SYNJ2: variants seen among roughly 807,000 people sequenced by gnomAD.
SYNJ2 encodes polyphosphatidylinositol phosphatase SYNJ2.
A neutral mutation model predicts 141.3 loss-of-function variants in SYNJ2; 116 were observed. The observed-to-expected ratio is 0.82, with a 90% CI of 0.71 to 0.96. The LOEUF is 0.96. SYNJ2 is among the 40% of genes least tolerant of loss of function. The probability of loss-of-function intolerance (pLI) is 0.00; values close to 1 mark genes in which losing one functional copy is unlikely to be tolerated. For missense variants in SYNJ2, 1,873 were observed against 1,934.8 expected, an observed-to-expected ratio of 0.97 and a Z score of 0.60; for synonymous variants, 745 against 777.7, an observed-to-expected ratio of 0.96 and a Z score of 0.70.
chr6:158,063,919 G>T, intron 9 of SYNJ2, 47 bp downstream of exon 9: 1 of 1,595,948 alleles, frequency 6.3e-7, no homozygotes. Flanking sequence ...CAGGTCCTGT[G>T]ACTTCAGCTG....
At chr6:158,083,334 T>C (rs1782821397) in intron 20 of SYNJ2, 95 bp from the exon 21 acceptor site, 1 of 1,435,768 alleles carries the variant, frequency 7.0e-7, no homozygotes, top group African/African-American at 1.4e-5. Flanking sequence ...ATTGGCCTCG[T>C]TGAGGGTGTG....
chr6:158,071,546 C>A lies in SYNJ2; in HGVS notation c.1941-56C>A. On this transcript the variant is annotated intron_variant, in intron 14 of 26. Transcript: ENST00000355585. This position sits in a 1 kb window ranked among gnomAD's most constrained non-coding sequence, Gnocchi z 4.3. ...TGCTGGGCCCTTCTCTGTGGCAAAG[C>A]AGGGTCACACTTCTCCTTCAGGAGC... The A allele has an allele frequency of 6.4e-7, 1 of 1,562,568 alleles. No individual in the cohort carries two copies. Among genetic ancestry groups the A allele is most frequent in the Non-Finnish European group, 8.7e-7 (1 of 1,153,568 alleles).
At chr6:158,038,313 GAGC>G (rs1405462659) in intron 4 of SYNJ2, among the ~76,000 whole-genome samples, 2 of 152,138 alleles carry the variant, frequency 1.3e-5, no homozygotes, top group African/African-American at 4.8e-5. Flanking sequence ...TTACTCCCAG[GAGC>G]AGCAGTGATT....
chr6:158,062,163 C>G lies in SYNJ2; in HGVS notation c.1126C>G (p.Arg376Gly), dbSNP rs371150490. Residue 376 changes from arginine to glycine, a missense_variant and splice_region_variant, in exon 8 of 27, where the codon CGT (arginine) becomes GGT (glycine). Physicochemically the swap from Arg to Gly is moderately radical, Grantham distance 125. Coordinates refer to ENST00000355585, the MANE Select transcript of SYNJ2 (RefSeq NM_003898.4). ...CACAAAGGGGGAGAACGTCAGTCCA[C>G]GGTGAGGCTCGCTGCGCACTGTGCC... ...VFTKGENVSP[R>G]FQKGTLRMNC... The G allele has an allele frequency of 1.2e-6, 2 of 1,612,484 alleles. No homozygotes were observed. Among genetic ancestry groups the G allele is most frequent in the African/African-American group, 2.7e-5 (2 of 74,868 alleles).
chr6:158,079,757 G>A (rs1782556589), intron 18 of SYNJ2, among the ~76,000 whole-genome samples: 2 of 152,160 alleles, frequency 1.3e-5, no homozygotes, highest in Admixed American at 6.5e-5. Context: ...TGACATCAAG[G>A]TTTGCTAGCT....
At chr6:158,076,490 CAGAT>C in intron 16 of SYNJ2, 132 bp from the exon 17 acceptor site, 1 of 1,018,274 alleles carries the variant, frequency 9.8e-7, no homozygotes, top group Non-Finnish European at 1.4e-6. Context: ...TGTCCAGTTT[CAGAT>C]AGATTTTCAA....
intron 4 of SYNJ2, among the ~76,000 whole-genome samples, chr6:158,037,300 TCTG>T: frequency 6.7e-6 from 1 of 149,480 alleles, no homozygotes; most frequent in Non-Finnish European, 1.5e-5. Flanking sequence ...CTCCATCATC[TCTG>T]CCTCCGTTTT....
intron 18 of SYNJ2, among the ~76,000 whole-genome samples, chr6:158,079,514 AG>A (rs755813508): frequency 2.0e-5 from 3 of 151,906 alleles, no homozygotes; most frequent in Admixed American, 1.3e-4. Flanking sequence ...CTGGGATTAC[AG>A]GCGTGCATCA....
chr6:158,028,711 G>T, intron 2 of SYNJ2, 45 bp from the exon 3 acceptor site: 1 of 1,595,026 alleles, frequency 6.3e-7, no homozygotes, highest in Non-Finnish European at 8.6e-7. Flanking sequence ...CCAGGCGGCC[G>T]GGCCGACTTC....
Position 158,063,773 on chromosome 6 carries a change from A to G in SYNJ2, c.1128-18A>G. 6.2e-7 allele frequency: 1 copy of G among 1,607,036 alleles called. No individual in the cohort carries two copies. The highest frequency in any genetic ancestry group is 8.5e-7 in the Non-Finnish European group (1 of 1,175,722). On this transcript the variant is annotated intron_variant, in intron 8 of 26. Coordinates refer to ENST00000355585, the MANE Select transcript of SYNJ2 (RefSeq NM_003898.4). The stretch of plus-strand genomic sequence containing the variant: ...TTGAAAACAACATATAACCGTTTAC[A>G]TTTCTTCTTGTCCTAAGTTTTCAGA...
At chr6:158,056,083 A>T (rs1205990079) in intron 6 of SYNJ2, among the ~76,000 whole-genome samples, 1 of 152,196 alleles carries the variant, frequency 6.6e-6, no homozygotes, top group African/African-American at 2.4e-5. Flanking sequence ...CTCCATCTCA[A>T]AACAAAACAA....
At chr6:157,993,468 C>G (rs551430993) in intron 1 of SYNJ2, among the ~76,000 whole-genome samples, 1 of 152,242 alleles carries the variant, frequency 6.6e-6, no homozygotes, top group Admixed American at 6.5e-5. Context: ...CAAATATTTC[C>G]TCCCATTCTG....
intron 5 of SYNJ2, among the ~76,000 whole-genome samples, chr6:158,045,070 A>G (rs1652692312): frequency 7.5e-6 from 1 of 133,342 alleles, no homozygotes; most frequent in South Asian, 2.4e-4. Flanking sequence ...CATCCATTCC[A>G]CCCTCTGACT....
intron 1 of SYNJ2, among the ~76,000 whole-genome samples, chr6:157,985,568 G>A (rs185406154): frequency 6.6e-6 from 1 of 152,314 alleles, no homozygotes; most frequent in Admixed American, 6.5e-5. Context: ...GCAAACAGAT[G>A]TTCCCTTATT....
At chr6:158,029,055 G>A (rs1779216383) in intron 3 of SYNJ2, 29 bp downstream of exon 3, 2 of 1,609,650 alleles carry the variant, frequency 1.2e-6, no homozygotes, top group Non-Finnish European at 1.7e-6. Context: ...TGCAGAGGGT[G>A]GGCCCTGGGT....
At chr6:157,981,743 C>G (rs1240190543), upstream of SYNJ2, 5 of 333,848 alleles carry the variant, frequency 1.5e-5, no homozygotes, top group African/African-American at 6.5e-5. This position sits in a 1 kb window ranked among gnomAD's most constrained non-coding sequence, Gnocchi z 6.4. Context: ...AGCGCGGGGC[C>G]GGGCGGGAGG....
intron 1 of SYNJ2, among the ~76,000 whole-genome samples, chr6:157,996,438 A>G (rs1297519014): frequency 6.6e-6 from 1 of 152,040 alleles, no homozygotes; most frequent in Non-Finnish European, 1.5e-5. Context: ...AAGCTCACAC[A>G]GCCCTGATCC....
intron 13 of SYNJ2, 129 bp downstream of exon 13, chr6:158,068,857 T>TG (rs1390819327): frequency 2.1e-6 from 2 of 935,690 alleles, no homozygotes; most frequent in Non-Finnish European, 3.3e-6. Flanking sequence ...CCTGGCTGTG[T>TG]GGGGATCTCT....
At chr6:158,018,962 G>C (rs1033887812) in intron 2 of SYNJ2, among the ~76,000 whole-genome samples, 3 of 152,260 alleles carry the variant, frequency 2.0e-5, no homozygotes, top group African/African-American at 7.2e-5. Flanking sequence ...TGATGACCGT[G>C]AGGATGGTGG....
Sources: gnomAD v4.1 joint callset for allele counts (sites outside exome capture counted in the v4.1 genomes callset) on GRCh38, gnomAD v4.1.1 for gene constraint, Gnocchi (gnomAD v3.1) non-coding constraint, MANE v1.5 for transcripts, NCBI Gene and HGNC (gene_info 2026-07-23, HGNC 2026-07-21) for gene names.